The following GBF1 variants were observed in gnomAD, a reference collection of about 807,000 sequenced individuals.
The protein encoded by GBF1 is Golgi-specific brefeldin A-resistance guanine nucleotide exchange factor 1.
A neutral mutation model predicts 210.5 loss-of-function variants in GBF1; 114 were observed. The observed-to-expected ratio is 0.54, with a 90% CI of 0.47 to 0.63. The LOEUF is 0.63. Ranked by LOEUF, GBF1 falls within the 30% of genes least tolerant of loss-of-function variation. The probability of loss-of-function intolerance (pLI) is 0.00; values close to 1 mark genes in which losing one functional copy is unlikely to be tolerated. For synonymous variants in GBF1, 850 were observed against 889.2 expected (o/e 0.96, Z 0.78); for missense variants, 1,851 against 2,357.7 (o/e 0.79, Z 4.45).
intron 3 of GBF1, among the ~76,000 whole-genome samples, chr10:102,330,661 G>A (rs192139576): frequency 2.0e-5 from 3 of 152,052 alleles, no homozygotes; most frequent in African/African-American, 7.2e-5. Flanking sequence ...ACTCCAGCCT[G>A]GGCAACAAGA....
At chr10:102,237,588 GAAAA>G in the GBF1 span, among the ~76,000 whole-genome samples, 1 of 151,796 alleles carries the variant, frequency 6.6e-6, no homozygotes, top group Admixed American at 6.6e-5. Flanking sequence ...CCTGAATAAA[GAAAA>G]AAACCCTAAG....
At chr10:102,308,713 T>G (rs2078142274) in intron 3 of GBF1, among the ~76,000 whole-genome samples, 1 of 94,052 alleles carries the variant, frequency 1.1e-5, no homozygotes, top group Admixed American at 1.4e-4. Flanking sequence ...CATCACACTC[T>G]GGGGACTGTT....
chr10:102,294,682 G>A (rs888261940), intron 3 of GBF1, among the ~76,000 whole-genome samples: 1 of 151,890 alleles, frequency 6.6e-6, no homozygotes, highest in Non-Finnish European at 1.5e-5. Flanking sequence ...GGCCCATTTT[G>A]TATCTTTTAT....
At position 102,278,199 on chromosome 10, in the gene GBF1, G is replaced by A. The variant is rs911062615; in HGVS notation, c.163+18083G>A. Among the ~76,000 whole-genome samples the A allele has an allele frequency of 3.9e-5, 6 of 152,000 alleles. No individual in the cohort carries two copies. The East Asian group carries it at 5.8e-4, about 15-fold the overall frequency. On this transcript the variant is annotated intron_variant, in intron 3 of 39. Coordinates refer to ENST00000369983, the MANE Select transcript of GBF1 (RefSeq NM_001377137.1). Reference sequence around the variant, plus strand: ...CTTGAGCCCAGGATTTGGAGGCTGCGGTGAGCTATGATCATGCCACTGCAC... The same window carrying A: ...CTTGAGCCCAGGATTTGGAGGCTGCAGTGAGCTATGATCATGCCACTGCAC...
At chr10:102,342,750 C>A (rs1565133288) in intron 3 of GBF1, among the ~76,000 whole-genome samples, 2 of 151,976 alleles carry the variant, frequency 1.3e-5, no homozygotes, top group South Asian at 4.1e-4. Flanking sequence ...CACTTTTGGT[C>A]TCTTTAGGAA....
At chr10:102,302,211 G>A (rs894979382) in intron 3 of GBF1, among the ~76,000 whole-genome samples, 1 of 152,230 alleles carries the variant, frequency 6.6e-6, no homozygotes, top group Non-Finnish European at 1.5e-5. Context: ...CCGAGATGGC[G>A]GGAGTACAGT....
chr10:102,285,405 T>C (rs1465047159), intron 3 of GBF1, among the ~76,000 whole-genome samples: 1 of 152,198 alleles, frequency 6.6e-6, no homozygotes, highest in African/African-American at 2.4e-5. Context: ...TGACTGGCTC[T>C]TTTTAAGGTG....
chr10:102,313,682 C>A (rs2078681955), intron 3 of GBF1, among the ~76,000 whole-genome samples: 1 of 152,154 alleles, frequency 6.6e-6, no homozygotes, highest in Admixed American at 6.5e-5. Context: ...TATTAATCCC[C>A]TTAATGCTGC....
chr10:102,253,376 G>C (rs1481467634), intron 1 of GBF1, among the ~76,000 whole-genome samples: 3 of 152,026 alleles, frequency 2.0e-5, no homozygotes, highest in African/African-American at 7.3e-5. Flanking sequence ...GCTTCTCTGG[G>C]GTATAGTCCT....
intron 33 of GBF1, among the ~76,000 whole-genome samples, chr10:102,378,362 C>T (rs1271503317): frequency 6.6e-6 from 1 of 152,140 alleles, no homozygotes; most frequent in Non-Finnish European, 1.5e-5. Context: ...GTGGCTCACA[C>T]CTGTAATTCC....
At chr10:102,328,875 A>T (rs1029668302) in intron 3 of GBF1, among the ~76,000 whole-genome samples, 1 of 152,222 alleles carries the variant, frequency 6.6e-6, no homozygotes, top group African/African-American at 2.4e-5. Context: ...CTGTTGAACA[A>T]TGAAATTTTT....
At chr10:102,326,245 G>T (rs893244451) in intron 3 of GBF1, among the ~76,000 whole-genome samples, 1 of 152,184 alleles carries the variant, frequency 6.6e-6, no homozygotes, top group Admixed American at 6.5e-5. Context: ...CATACTTTTA[G>T]CAATGGGGAA....
intron 29 of GBF1, among the ~76,000 whole-genome samples, chr10:102,372,639 T>A (rs186756725): frequency 6.6e-6 from 1 of 152,328 alleles, no homozygotes; most frequent in East Asian, 1.9e-4. Context: ...TTCAGTGGAT[T>A]TTTTGACCAA....
intron 11 of GBF1, among the ~76,000 whole-genome samples, chr10:102,359,802 C>G (rs1353088390): frequency 6.7e-6 from 1 of 150,316 alleles, no homozygotes; most frequent in Non-Finnish European, 1.5e-5. Flanking sequence ...TTCCTGTCGC[C>G]CAGGCTGGAT....
chr10:102,349,791 A>G (rs1457113409), intron 4 of GBF1, among the ~76,000 whole-genome samples: 1 of 152,168 alleles, frequency 6.6e-6, no homozygotes, highest in East Asian at 1.9e-4. Flanking sequence ...TTATTTGGCT[A>G]TTTCTCGTGG....
chr10:102,317,155 G>A (rs1176135525), intron 3 of GBF1, among the ~76,000 whole-genome samples: 1 of 152,054 alleles, frequency 6.6e-6, no homozygotes, highest in Non-Finnish European at 1.5e-5. Context: ...ATATAAGCCA[G>A]GCACAGTGGC....
At chr10:102,298,968 A>G (rs2077124250) in intron 3 of GBF1, among the ~76,000 whole-genome samples, 1 of 152,194 alleles carries the variant, frequency 6.6e-6, no homozygotes, top group South Asian at 2.1e-4. Context: ...ATGGACTACT[A>G]TCCCCCTCTT....
chr10:102,290,744 A>G (rs566484843), intron 3 of GBF1, among the ~76,000 whole-genome samples: 18 of 152,294 alleles, frequency 1.2e-4, no homozygotes, highest in South Asian at 8.3e-4. Flanking sequence ...GGCTAAAGCA[A>G]TCCACCTGCC....
chr10:102,242,876 C>T (rs1352949951), upstream of GBF1, among the ~76,000 whole-genome samples: 3 of 146,736 alleles, frequency 2.0e-5, no homozygotes, highest in Non-Finnish European at 3.0e-5. Context: ...TTGCAGTGAG[C>T]TGAGATCGCG....
Sources: gnomAD v4.1 joint callset for allele counts (sites outside exome capture counted in the v4.1 genomes callset) on GRCh38, gnomAD v4.1.1 for gene constraint, MANE v1.5 for transcripts, NCBI Gene and HGNC (gene_info 2026-07-23, HGNC 2026-07-21) for gene names.